Variants in C3orf20 observed in about 807,000 individuals in gnomAD.
The protein encoded by C3orf20 is family with sequence similarity 149 member C.
A neutral mutation model predicts 88.3 loss-of-function variants in C3orf20; 76 were observed. The observed-to-expected ratio is 0.86, with a 90% CI of 0.72 to 1.04. The LOEUF (loss-of-function observed/expected upper bound fraction) is 1.04. C3orf20 is among the 50% of genes least tolerant of loss of function. The probability of loss-of-function intolerance (pLI) is 0.00; values close to 1 mark genes in which losing one functional copy is unlikely to be tolerated. For missense variants in C3orf20, 1,056 were observed against 1,123.3 expected, an observed-to-expected ratio of 0.94 and a Z score of 0.86; for synonymous variants, 436 against 437.4, an observed-to-expected ratio of 1.00 and a Z score of 0.04.
Position 14,762,853 on chromosome 3 carries a change from C to T in C3orf20, c.2495+1238C>T, listed in dbSNP as rs921060681. Among the ~76,000 whole-genome samples the T allele has an allele frequency of 2.0e-5, 3 of 152,172 alleles. No individual in the cohort carries two copies. In the East Asian group the frequency reaches 5.8e-4, roughly 29 times the overall value. ...TCACTGCAGTAAGCTGAGTCTGGGC[C>T]TTGTCCGAGTGGGGCAACCCACTTC... is the stretch of plus-strand genomic sequence containing the variant. On this transcript the variant is annotated intron_variant, in intron 15 of 16. Transcript: ENST00000253697.
intron 5 of C3orf20, among the ~76,000 whole-genome samples, chr3:14,696,899 A>G (rs2033028569): frequency 6.6e-6 from 1 of 151,914 alleles, no homozygotes; most frequent in Non-Finnish European, 1.5e-5. Context: ...TTTGTCTAGG[A>G]AAGTCTTTAT....
At chr3:14,736,067 G>A (rs1215922476) in intron 12 of C3orf20, among the ~76,000 whole-genome samples, 1 of 152,050 alleles carries the variant, frequency 6.6e-6, no homozygotes, top group Admixed American at 6.6e-5. Flanking sequence ...GTTTAAATAT[G>A]TTGAAATAAA....
At chr3:14,751,592 G>A (rs1248698724) in intron 12 of C3orf20, among the ~76,000 whole-genome samples, 1 of 152,142 alleles carries the variant, frequency 6.6e-6, no homozygotes, top group Non-Finnish European at 1.5e-5. Context: ...CCATCGTCTT[G>A]GCCCAAAATC....
chr3:14,716,128 C>G (rs1276813578), intron 9 of C3orf20, among the ~76,000 whole-genome samples: 1 of 152,172 alleles, frequency 6.6e-6, no homozygotes, highest in Non-Finnish European at 1.5e-5. Context: ...CCAGTAGTAT[C>G]CCCTACTCCA....
intron 12 of C3orf20, among the ~76,000 whole-genome samples, chr3:14,731,565 G>T (rs996252013): frequency 6.6e-5 from 10 of 152,224 alleles, no homozygotes; most frequent in Non-Finnish European, 4.4e-5. Context: ...TTCTCTAGCA[G>T]AAAAAAATGC....
intron 12 of C3orf20, among the ~76,000 whole-genome samples, chr3:14,741,584 A>G (rs897041429): frequency 6.6e-6 from 1 of 152,354 alleles, no homozygotes; most frequent in Admixed American, 6.5e-5. Context: ...ACCCTAAGTC[A>G]GCCATTGTCA....
At chr3:14,760,690 A>G (rs1164169917) in intron 14 of C3orf20, among the ~76,000 whole-genome samples, 2 of 145,188 alleles carry the variant, frequency 1.4e-5, no homozygotes, top group East Asian at 4.1e-4. Flanking sequence ...GCTCACTGCA[A>G]CCTCTGCCTC....
At chr3:14,693,365 C>T (rs2032826150) in intron 5 of C3orf20, among the ~76,000 whole-genome samples, 1 of 152,156 alleles carries the variant, frequency 6.6e-6, no homozygotes, top group South Asian at 2.1e-4. Context: ...CATGGAATAG[C>T]TTTCCATTTT....
chr3:14,710,474 G>T (rs749794340), intron 7 of C3orf20, among the ~76,000 whole-genome samples: 11 of 151,930 alleles, frequency 7.2e-5, no homozygotes, highest in Middle Eastern at 6.8e-3. Context: ...ATTTAATGTT[G>T]GTATTTACAG....
At chr3:14,764,211 T>C (rs1411282292) in intron 15 of C3orf20, among the ~76,000 whole-genome samples, 2 of 150,552 alleles carry the variant, frequency 1.3e-5, no homozygotes, top group East Asian at 3.9e-4. Flanking sequence ...ACAAACTAGA[T>C]AGAAACATAC....
At chr3:14,763,314 C>T (rs563510761) in intron 15 of C3orf20, among the ~76,000 whole-genome samples, 21 of 152,154 alleles carry the variant, frequency 1.4e-4, no homozygotes, top group Non-Finnish European at 2.8e-4. Flanking sequence ...AAGACCAAGG[C>T]GCCAATGGAT....
chr3:14,687,665 G>A (rs551589465), intron 4 of C3orf20, among the ~76,000 whole-genome samples: 1 of 152,186 alleles, frequency 6.6e-6, no homozygotes, highest in African/African-American at 2.4e-5. Flanking sequence ...ACACCTGCCT[G>A]AGCCACTCCC....
intron 12 of C3orf20, among the ~76,000 whole-genome samples, chr3:14,730,534 G>A (rs1264175700): frequency 2.0e-5 from 3 of 152,010 alleles, no homozygotes; most frequent in East Asian, 3.9e-4. Flanking sequence ...GTGACAGAGC[G>A]AGACTGTGTC....
chr3:14,690,089 G>T lies in C3orf20; in HGVS notation c.718G>T (p.Ala240Ser), dbSNP rs530849610. 6.2e-7 allele frequency: 1 copy of T among 1,614,124 alleles called. No homozygotes were observed. The highest frequency in any genetic ancestry group is 2.2e-5 in the East Asian group (1 of 44,886). ...STACLSFSLS[A>S]GKEAKKKIGK... Reference sequence around the variant, plus strand: ...AGCCTGTCTGAGCTTTTCTCTCTCTGCTGGAAAAGAAGCCAAGAAGAAAAT... The same window carrying T: ...AGCCTGTCTGAGCTTTTCTCTCTCTTCTGGAAAAGAAGCCAAGAAGAAAAT... Residue 240 changes from alanine (A) to serine (S), a missense_variant, in exon 5 of 17, where the codon GCT (alanine) becomes TCT (serine). Ala to Ser is a moderately conservative substitution (Grantham distance 99, BLOSUM62 1). Coordinates refer to ENST00000253697, the MANE Select transcript of C3orf20 (RefSeq NM_032137.5).
At chr3:14,693,684 C>G (rs773579277) in intron 5 of C3orf20, among the ~76,000 whole-genome samples, 13 of 152,046 alleles carry the variant, frequency 8.6e-5, no homozygotes, top group Non-Finnish European at 1.6e-4. Flanking sequence ...CCCTTTATTT[C>G]TTTCTCTTTT....
intron 14 of C3orf20, 33 bp downstream of exon 14, chr3:14,760,031 G>GC: frequency 6.7e-7 from 1 of 1,495,760 alleles, no homozygotes; most frequent in Non-Finnish European, 9.3e-7. Context: ...TCCACTGCCT[G>GC]CCACCCCAGC....
At chr3:14,723,777 GTTTTATTTTATTTTATTTTA>G (rs201184448) in intron 10 of C3orf20, among the ~76,000 whole-genome samples, 25,859 of 142,088 alleles carry the variant, frequency 0.18, 2,898 homozygotes, top group East Asian at 0.34. Context: ...AAGGCCATTG[GTTTTATTTTATTTTATTTTA>G]TTTTATTTTA....
At chr3:14,711,668 C>T (rs2033744226) in intron 7 of C3orf20, among the ~76,000 whole-genome samples, 1 of 127,960 alleles carries the variant, frequency 7.8e-6, no homozygotes, top group Non-Finnish European at 1.6e-5. Flanking sequence ...CTGAGTCTCG[C>T]TCTATTGCCC....
At chr3:14,765,993 C>T (rs561211852) in intron 15 of C3orf20, among the ~76,000 whole-genome samples, 1 of 152,200 alleles carries the variant, frequency 6.6e-6, no homozygotes, top group South Asian at 2.1e-4. Context: ...AGGGTGAGGG[C>T]CTGCCAGGCC....
Sources: allele counts gnomAD v4.1 joint callset (sites outside exome capture counted in the v4.1 genomes callset), GRCh38; gene constraint gnomAD v4.1.1; transcripts MANE v1.5; gene names NCBI Gene and HGNC (gene_info 2026-07-23, HGNC 2026-07-21).